Variants in PKP2 observed in about 807,000 individuals in gnomAD.
PKP2 encodes the protein plakophilin 2.
Under a neutral mutation model 83.4 loss-of-function variants are expected in PKP2, and 73 were observed. That is an observed-to-expected ratio of 0.88 (90% CI 0.72 to 1.06). PKP2 has a LOEUF of 1.06. PKP2 is among the 50% of genes least tolerant of loss of function. PKP2 has a pLI of 0.00. For synonymous variants in PKP2, 409 were observed against 430.4 expected (o/e 0.95, Z 0.62); for missense variants, 966 against 1,065.4 (o/e 0.91, Z 1.30).
chr12:32,812,991 A>G (rs4931045), intron 9 of PKP2, among the ~76,000 whole-genome samples: 105,843 of 151,618 alleles, frequency 0.7, 38,744 homozygotes, highest in East Asian at 0.86. Context: ...CGGTCTGAAG[A>G]AGAGAATTTT....
At chr12:32,850,701 G>A (rs1252818095) in intron 5 of PKP2, 65 bp downstream of exon 5, 5 of 1,221,462 alleles carry the variant, frequency 4.1e-6, no homozygotes, top group Non-Finnish European at 6.0e-6. Flanking sequence ...AAGAAAAAGA[G>A]ATGATGTAAG....
At chr12:32,830,403 A>T (rs1454625464) in intron 6 of PKP2, among the ~76,000 whole-genome samples, 1 of 152,276 alleles carries the variant, frequency 6.6e-6, no homozygotes, top group South Asian at 2.1e-4. Flanking sequence ...TTCTGAAGTC[A>T]ACATTATTTC....
intron 9 of PKP2, among the ~76,000 whole-genome samples, chr12:32,812,317 T>A (rs940136865): frequency 2.6e-5 from 4 of 152,100 alleles, no homozygotes; most frequent in Non-Finnish European, 5.9e-5. Flanking sequence ...TTGCTGTATA[T>A]CTGCCACTCA....
intron 4 of PKP2, among the ~76,000 whole-genome samples, chr12:32,865,753 T>C (rs1426617410): frequency 1.3e-5 from 2 of 150,892 alleles, no homozygotes; most frequent in Non-Finnish European, 1.5e-5. Flanking sequence ...ATTTGATCAA[T>C]TCCTTTTCAG....
chr12:32,801,582 A>C (rs1303196958), intron 10 of PKP2, among the ~76,000 whole-genome samples: 1 of 152,222 alleles, frequency 6.6e-6, no homozygotes, highest in East Asian at 1.9e-4. Flanking sequence ...ATATATGTGC[A>C]TATTTAAAAA....
intron 10 of PKP2, among the ~76,000 whole-genome samples, chr12:32,802,161 A>G (rs1460673590): frequency 7.1e-6 from 1 of 141,638 alleles, no homozygotes; most frequent in African/African-American, 2.7e-5. Flanking sequence ...GTATGCTCTA[A>G]AATTTCTCTT....
chr12:32,809,834 C>A (rs770907868), intron 9 of PKP2, among the ~76,000 whole-genome samples: 1 of 152,146 alleles, frequency 6.6e-6, no homozygotes, highest in Non-Finnish European at 1.5e-5. Context: ...CCTTTGGCTC[C>A]GTGAGGCTCC....
intron 9 of PKP2, among the ~76,000 whole-genome samples, chr12:32,807,990 A>G (rs1331227698): frequency 3.9e-5 from 6 of 152,198 alleles, no homozygotes; most frequent in Non-Finnish European, 8.8e-5. Context: ...CTGGAATCTG[A>G]TAAGTATGTG....
chr12:32,803,112 G>A (rs1271703952), intron 9 of PKP2, among the ~76,000 whole-genome samples: 4 of 151,808 alleles, frequency 2.6e-5, no homozygotes, highest in Admixed American at 2.0e-4. Flanking sequence ...GCTCACACCT[G>A]TAATCCCAGC....
At chr12:32,802,786 C>T (rs1468450627) in intron 9 of PKP2, among the ~76,000 whole-genome samples, 2 of 151,888 alleles carry the variant, frequency 1.3e-5, no homozygotes, top group African/African-American at 4.8e-5. Flanking sequence ...AGCCTCCAGA[C>T]TAGCTGGGAT....
At chr12:32,891,589 A>C (rs1957075565) in intron 1 of PKP2, among the ~76,000 whole-genome samples, 1 of 152,214 alleles carries the variant, frequency 6.6e-6, no homozygotes, top group Non-Finnish European at 1.5e-5. Flanking sequence ...TATTTAATAC[A>C]AAAGCTACCC....
At chr12:32,855,537 G>A (rs1956737596) in intron 4 of PKP2, among the ~76,000 whole-genome samples, 1 of 152,192 alleles carries the variant, frequency 6.6e-6, no homozygotes, top group South Asian at 2.1e-4. Flanking sequence ...ACTTTGGAAG[G>A]CCGAGGCAGG....
intron 9 of PKP2, among the ~76,000 whole-genome samples, chr12:32,812,850 T>C (rs1419081573): frequency 2.0e-5 from 3 of 152,210 alleles, no homozygotes; most frequent in Non-Finnish European, 4.4e-5. Context: ...TCCATACAAA[T>C]GACTTGCCAA....
intron 4 of PKP2, among the ~76,000 whole-genome samples, chr12:32,852,741 A>G (rs943362377): frequency 6.6e-6 from 1 of 152,180 alleles, no homozygotes; most frequent in African/African-American, 2.4e-5. Context: ...GAGAGTGGCC[A>G]CAGCAATTTT....
Position 32,878,374 on chromosome 12 carries a change from C to G in PKP2, c.506G>C (p.Ser169Thr). 2 of 1,613,964 alleles carry G rather than the reference C, an allele frequency of 1.2e-6. No individual in the cohort carries two copies. Among genetic ancestry groups the G allele is most frequent in the South Asian group, 2.2e-5 (2 of 91,072 alleles). Residue 169 changes from serine (S) to threonine (T), a missense_variant, in exon 3 of 13, where the codon AGC (serine) becomes ACC (threonine). Ser to Thr is a moderately conservative substitution (Grantham distance 58). Coordinates refer to ENST00000340811, the MANE Select transcript of PKP2 (RefSeq NM_001005242.3). ...GGTGTGCCCAGCCTGGCTTCTCTGG[C>G]TGTACTGGTAATCGCTGTGCGTGTA... The part of the protein sequence containing the change: ...AHYTHSDYQY[S>T]QRSQAGHTLH...
intron 1 of PKP2, among the ~76,000 whole-genome samples, chr12:32,888,589 A>C (rs1332767141): frequency 3.3e-5 from 5 of 151,608 alleles, no homozygotes; most frequent in Non-Finnish European, 7.4e-5. Context: ...TCCCGGGTTC[A>C]AGTGATTCTC....
At chr12:32,870,677 T>C (rs921693893) in intron 3 of PKP2, among the ~76,000 whole-genome samples, 2 of 152,176 alleles carry the variant, frequency 1.3e-5, no homozygotes, top group African/African-American at 4.8e-5. Context: ...ACTCTGTAAG[T>C]CTAGTCTCAA....
At chr12:32,792,975 G>A in intron 11 of PKP2, 2 of 483,246 alleles carry the variant, frequency 4.1e-6, no homozygotes, top group Non-Finnish European at 7.6e-6. Flanking sequence ...TATAGGCCAG[G>A]TGGGGTGGCT....
At chr12:32,814,703 C>T (rs748387731) in intron 9 of PKP2, among the ~76,000 whole-genome samples, 10 of 152,138 alleles carry the variant, frequency 6.6e-5, no homozygotes, top group Admixed American at 6.6e-4. Context: ...GAAGGCAGAT[C>T]ACCTGAGGTC....
Sources: gnomAD v4.1 joint callset for allele counts (sites outside exome capture counted in the v4.1 genomes callset) on GRCh38, gnomAD v4.1.1 for gene constraint, MANE v1.5 for transcripts, NCBI Gene and HGNC (gene_info 2026-07-23, HGNC 2026-07-21) for gene names.